NEK1: variants seen among roughly 807,000 people sequenced by gnomAD.
NEK1 encodes the protein serine/threonine-protein kinase Nek1.
In NEK1, 137 loss-of-function variants were observed where a neutral mutation model predicts 182.1. The observed-to-expected ratio is 0.75, with a 90% CI of 0.65 to 0.87. The LOEUF (loss-of-function observed/expected upper bound fraction) is 0.87. Among genes scored for constraint, NEK1 ranks in the 40% least tolerant of loss-of-function variants. The pLI, the probability that NEK1 is intolerant of heterozygous loss-of-function variation, is 0.00. For synonymous variants in NEK1, 513 were observed against 492.2 expected (o/e 1.04, Z -0.56); for missense variants, 1,391 against 1,494.4 (o/e 0.93, Z 1.14).
At chr4:169,561,595 T>G in intron 15 of NEK1, 41 bp from the exon 16 acceptor site, 1 of 1,603,566 alleles carries the variant, frequency 6.2e-7, no homozygotes, top group Non-Finnish European at 8.5e-7. Flanking sequence ...TTTCAAGTAT[T>G]TAATATAAAA....
rs536965599 is a variant in NEK1, at chr4:169,432,966, T to C, written c.2885+579A>G. Among the ~76,000 whole-genome samples the C allele has an allele frequency of 7.3e-5, 11 of 151,616 alleles. 2 individuals are homozygous for C. The highest frequency in any genetic ancestry group is 2.4e-4 in the African/African-American group (10 of 41,304). On this transcript the variant is annotated intron_variant, in intron 29 of 35. Transcript: ENST00000507142. ...TTTTTGTAGAGATGGGGTTTTGCCATGTTGGCCAGGTTGGTCTCGAGCTCC... is the reference window on the plus strand; with the variant it reads ...TTTTTGTAGAGATGGGGTTTTGCCACGTTGGCCAGGTTGGTCTCGAGCTCC...
At chr4:169,437,446 C>T (rs1019617052) in intron 28 of NEK1, among the ~76,000 whole-genome samples, 1 of 152,130 alleles carries the variant, frequency 6.6e-6, no homozygotes, top group African/African-American at 2.4e-5. Flanking sequence ...AGGACAGATG[C>T]AAATTCTTTG....
Position 169,433,662 on chromosome 4 carries a change from G to A in NEK1, c.2768C>T (p.Pro923Leu). 2 of 1,613,150 alleles carry A rather than the reference G, an allele frequency of 1.2e-6. No individual in the cohort carries two copies. The highest frequency in any genetic ancestry group is 1.7e-6 in the Non-Finnish European group (2 of 1,179,490). Residue 923 changes from proline (P) to leucine (L), a missense_variant, in exon 29 of 36, where the codon CCT becomes CTT. Transcript: ENST00000507142. ...SLKLEGNLEE[P>L]DDLETEILQE... ...TAGAATTTCTGTTTCCAAATCATCAGGTTCTGCAAAGGATAAACGTAACGA... is the reference window on the plus strand; with the variant it reads ...TAGAATTTCTGTTTCCAAATCATCAAGTTCTGCAAAGGATAAACGTAACGA...
chr4:169,476,565 T>G (rs942295293), intron 26 of NEK1, among the ~76,000 whole-genome samples: 1 of 152,074 alleles, frequency 6.6e-6, no homozygotes, highest in Non-Finnish European at 1.5e-5. Flanking sequence ...GTGAAAAAAA[T>G]TACTTAAAAT....
At chr4:169,547,106 T>G (rs1760609650) in intron 18 of NEK1, among the ~76,000 whole-genome samples, 1 of 152,212 alleles carries the variant, frequency 6.6e-6, no homozygotes, top group South Asian at 2.1e-4. Context: ...TTGCAGTGGC[T>G]GGTACCAGTT....
chr4:169,563,208 A>T (rs911622952), intron 12 of NEK1, among the ~76,000 whole-genome samples: 2 of 152,012 alleles, frequency 1.3e-5, no homozygotes, highest in African/African-American at 4.8e-5. Flanking sequence ...AAAAATTTTT[A>T]AAAATTAGCC....
intron 12 of NEK1, among the ~76,000 whole-genome samples, chr4:169,568,926 A>G (rs188881737): frequency 1.3e-4 from 20 of 149,234 alleles, no homozygotes; most frequent in African/African-American, 3.8e-4. Context: ...GACAAGAGCA[A>G]AACTCCATTT....
Position 169,589,518 on chromosome 4 carries a change from T to C in NEK1, c.397-4A>G, listed in dbSNP as rs374280409. On this transcript the variant is annotated splice_region_variant and splice_polypyrimidine_tract_variant and intron_variant, in intron 6 of 35. Coordinates refer to ENST00000507142, the MANE Select transcript of NEK1 (RefSeq NM_001199397.3). ...CATCTTTAGTTAAAAATATGTTCTGTAAAAGACAGGAAAAAAAAAAACCCT... is the reference window on the plus strand; with the variant it reads ...CATCTTTAGTTAAAAATATGTTCTGCAAAAGACAGGAAAAAAAAAAACCCT... 1.8e-5 allele frequency: 26 copies of C among 1,457,338 alleles called. No homozygotes were observed. The African/African-American group carries it at 3.3e-4, about 19-fold the overall frequency. The allele number at this position is 1,457,338 out of a possible 1,614,324, so 90.3% of individuals were successfully genotyped here. A position where few individuals can be genotyped will look rare whatever the true frequency, so the allele number is the denominator to read the frequency against.
At chr4:169,580,711 C>T (rs755672984) in intron 11 of NEK1, 131 bp downstream of exon 11, 12 of 626,024 alleles carry the variant, frequency 1.9e-5, no homozygotes, top group Non-Finnish European at 3.2e-5. Flanking sequence ...ATTAATAATT[C>T]TAAGGTGCAT....
At chr4:169,507,161 G>C in intron 22 of NEK1, 29 bp from the exon 23 acceptor site, 1 of 1,055,208 alleles carries the variant, frequency 9.5e-7, no homozygotes, top group Non-Finnish European at 1.4e-6. Context: ...AACAAAATGA[G>C]TTACCAGAAA....
intron 11 of NEK1, 139 bp downstream of exon 11, chr4:169,580,703 T>C (rs1233249371): frequency 5.0e-6 from 3 of 598,844 alleles, no homozygotes; most frequent in Non-Finnish European, 9.0e-6. Flanking sequence ...CATAAAACAT[T>C]AATAATTCTA....
chr4:169,448,608 T>A (rs533991141), intron 27 of NEK1, among the ~76,000 whole-genome samples: 1 of 152,168 alleles, frequency 6.6e-6, no homozygotes, highest in Admixed American at 6.5e-5. Flanking sequence ...AATAATCCCA[T>A]TGAATGTAAA....
At chr4:169,598,813 T>C (rs1769996918) in intron 5 of NEK1, among the ~76,000 whole-genome samples, 1 of 152,166 alleles carries the variant, frequency 6.6e-6, no homozygotes, top group African/African-American at 2.4e-5. Context: ...ATTGACAGAA[T>C]ATAGACTAGT....
At chr4:169,407,728 C>G (rs10011783) in intron 31 of NEK1, among the ~76,000 whole-genome samples, 39,045 of 152,162 alleles carry the variant, frequency 0.26, 5,196 homozygotes, top group South Asian at 0.38. Context: ...AGATTTGAAA[C>G]ATGACTACTA....
rs758805968 is a variant in NEK1 at position 169,438,240 on chromosome 4, T to C, written c.2607A>G (p.Glu869=). The change falls in exon 28 of 36, where the codon GAA becomes GAG. Residue 869 remains glutamate, a synonymous_variant. Coordinates refer to ENST00000507142, the MANE Select transcript of NEK1 (RefSeq NM_001199397.3). ...CTCCAGTAATTAAGGGTTTGTACTTTTCCCCTTCGGGAGAAATCTCTGTGA... is the reference window on the plus strand; with the variant it reads ...CTCCAGTAATTAAGGGTTTGTACTTCTCCCCTTCGGGAGAAATCTCTGTGA... ...TIRSEISPEG[E]KYKPLITGEK... is the part of the protein sequence containing the mutation. 1.4e-5 allele frequency: 21 copies of C among 1,546,600 alleles called. 1 individual carries two copies. In the South Asian group the frequency reaches 2.5e-4, roughly 18 times the overall value.
At chr4:169,570,515 GC>G (rs1460864296) in intron 12 of NEK1, among the ~76,000 whole-genome samples, 1 of 149,634 alleles carries the variant, frequency 6.7e-6, no homozygotes, top group Non-Finnish European at 1.5e-5. Context: ...GGGGGGGTCA[GC>G]CCCCCGCCCG....
chr4:169,448,274 A>T (rs1561204963), intron 27 of NEK1, among the ~76,000 whole-genome samples: 2 of 152,170 alleles, frequency 1.3e-5, no homozygotes, highest in Non-Finnish European at 2.9e-5. Flanking sequence ...AGTAAGATAC[A>T]AATAGAAACA....
chr4:169,479,386 A>G lies in NEK1; in HGVS notation c.2139+17T>C. ...AATCTTTTGACTTTGAGGAGTTCTG[A>G]ATCTTAGGAAACTTACCACGCCAAC... On this transcript the variant is annotated intron_variant, in intron 24 of 35. Coordinates refer to ENST00000507142, the MANE Select transcript of NEK1 (RefSeq NM_001199397.3). 1 of 1,603,734 alleles carries G rather than the reference A, an allele frequency of 6.2e-7. No homozygotes were observed. Among genetic ancestry groups the G allele is most frequent in the South Asian group, 1.1e-5 (1 of 88,020 alleles).
intron 19 of NEK1, among the ~76,000 whole-genome samples, chr4:169,528,784 A>G (rs1757262468): frequency 6.6e-6 from 1 of 152,234 alleles, no homozygotes; most frequent in South Asian, 2.1e-4. Context: ...ATCTAATAAA[A>G]GTAATATTCC....
Sources: gnomAD v4.1 joint callset for allele counts (sites outside exome capture counted in the v4.1 genomes callset) on GRCh38, gnomAD v4.1.1 for gene constraint, MANE v1.5 for transcripts, NCBI Gene and HGNC (gene_info 2026-07-23, HGNC 2026-07-21) for gene names.